TSHZ2: variants seen among roughly 807,000 people sequenced by gnomAD.
TSHZ2 encodes teashirt homolog 2.
A neutral mutation model predicts 74.4 loss-of-function variants in TSHZ2; 21 were observed. The observed-to-expected ratio is 0.28, with a 90% CI of 0.20 to 0.41. The LOEUF is 0.41. TSHZ2 is among the 10% of genes least tolerant of loss of function. The probability of loss-of-function intolerance (pLI) is 1.00; values close to 1 mark genes in which losing one functional copy is unlikely to be tolerated. For missense variants in TSHZ2, 1,244 were observed against 1,293.5 expected (o/e 0.96, Z 0.59); for synonymous variants, 540 against 515.3 (o/e 1.05, Z -0.65).
At chr20:53,085,662 C>A (rs1041453905) in intron 1 of TSHZ2, among the ~76,000 whole-genome samples, 1 of 152,148 alleles carries the variant, frequency 6.6e-6, no homozygotes, top group African/African-American at 2.4e-5. Flanking sequence ...GAAATGAAGG[C>A]CCCTGAAAGA....
At chr20:53,459,862 C>A (rs1355469095) in intron 2 of TSHZ2, among the ~76,000 whole-genome samples, 2 of 151,830 alleles carry the variant, frequency 1.3e-5, no homozygotes, top group Admixed American at 1.3e-4. Context: ...AAATTCTTTT[C>A]TTTAAGAATG....
chr20:53,158,439 A>AGTGGCT (rs1987848819), intron 1 of TSHZ2, among the ~76,000 whole-genome samples: 1 of 152,054 alleles, frequency 6.6e-6, no homozygotes, highest in African/African-American at 2.4e-5. Flanking sequence ...GGCAGTCGGT[A>AGTGGCT]GTGGCTGTGG....
At chr20:53,154,158 C>A (rs1482457475) in intron 1 of TSHZ2, among the ~76,000 whole-genome samples, 1 of 152,332 alleles carries the variant, frequency 6.6e-6, no homozygotes, top group South Asian at 2.1e-4. Flanking sequence ...TACCAGCAAT[C>A]AGTCATACTG....
intron 1 of TSHZ2, among the ~76,000 whole-genome samples, chr20:53,029,931 A>G (rs998027342): frequency 3.3e-5 from 5 of 152,146 alleles, no homozygotes; most frequent in African/African-American, 1.2e-4. Context: ...ACTGCCAAAT[A>G]AAATCTGTCT....
chr20:53,384,657 A>G (rs576480098), intron 2 of TSHZ2, among the ~76,000 whole-genome samples: 2 of 152,222 alleles, frequency 1.3e-5, no homozygotes, highest in Non-Finnish European at 2.9e-5. Context: ...TCACAATCAC[A>G]ATTAAAACTT....
At chr20:53,107,773 A>G (rs1049212747) in intron 1 of TSHZ2, among the ~76,000 whole-genome samples, 7 of 152,168 alleles carry the variant, frequency 4.6e-5, no homozygotes, top group African/African-American at 1.7e-4. Context: ...TTAATAGAGT[A>G]GGGAGAGTGT....
rs964768707 is a variant in TSHZ2, at chr20:53,074,660, G to C, written c.40+101327G>C. 6.6e-6 allele frequency among the ~76,000 whole-genome samples: 1 copy of C among 152,156 alleles called. No individual in the cohort carries two copies. The highest frequency in any genetic ancestry group is 1.5e-5 in the Non-Finnish European group (1 of 68,026). ...AAAGGACTATTCAGATTAAGAAAAG[G>C]CTACTTGGAAACTATAGATACTAAT... is the stretch of plus-strand genomic sequence containing the variant. On this transcript the variant is annotated intron_variant, in intron 1 of 2. Transcript: ENST00000371497. This position sits in a 1 kb window ranked among gnomAD's most constrained non-coding sequence, Gnocchi z 5.9.
chr20:53,463,216 T>G (rs1172871987), intron 2 of TSHZ2, among the ~76,000 whole-genome samples: 1 of 152,140 alleles, frequency 6.6e-6, no homozygotes, highest in African/African-American at 2.4e-5. Flanking sequence ...GTGAAGGAAC[T>G]TAGTCTATCT....
intron 2 of TSHZ2, chr20:53,401,166 A>T (rs1416064142): frequency 1.3e-5 from 2 of 152,040 alleles, no homozygotes; most frequent in Admixed American, 1.3e-4. Context: ...CTGTTTGGGG[A>T]CACTGCAGTG....
chr20:53,053,925 G>A (rs908033788), intron 1 of TSHZ2, among the ~76,000 whole-genome samples: 12 of 152,254 alleles, frequency 7.9e-5, no homozygotes, highest in African/African-American at 2.9e-4. Context: ...TAGTGACTGC[G>A]CCCTAACTGA....
intron 1 of TSHZ2, among the ~76,000 whole-genome samples, chr20:52,986,401 CAAA>C (rs34991984): frequency 9.1e-5 from 11 of 120,790 alleles, no homozygotes; most frequent in Admixed American, 2.7e-4. Flanking sequence ...AAGAATCCAT[CAAA>C]AAAAAAAAAA....
At chr20:53,316,790 A>G (rs1979042674) in intron 2 of TSHZ2, among the ~76,000 whole-genome samples, 1 of 152,148 alleles carries the variant, frequency 6.6e-6, no homozygotes, top group South Asian at 2.1e-4. Context: ...CAAGGCTGAC[A>G]CTATTTACTA....
chr20:53,193,711 A>G (rs890263363), intron 1 of TSHZ2, among the ~76,000 whole-genome samples: 3 of 152,190 alleles, frequency 2.0e-5, no homozygotes, highest in Non-Finnish European at 4.4e-5. Flanking sequence ...GGCTCAGTGT[A>G]TATCTGTTGA....
At chr20:53,483,331 C>T (rs1986208057) in intron 2 of TSHZ2, among the ~76,000 whole-genome samples, 1 of 152,048 alleles carries the variant, frequency 6.6e-6, no homozygotes, top group Admixed American at 6.6e-5. Flanking sequence ...GGGAGGATCC[C>T]CTGAGCCCAG....
intron 2 of TSHZ2, among the ~76,000 whole-genome samples, chr20:53,478,912 C>G (rs1351601384): frequency 6.6e-6 from 1 of 152,068 alleles, no homozygotes; most frequent in Non-Finnish European, 1.5e-5. Flanking sequence ...CACCTATAAT[C>G]CCAGCACTTT....
chr20:53,325,441 G>C (rs1038278862), intron 2 of TSHZ2, among the ~76,000 whole-genome samples: 2 of 152,208 alleles, frequency 1.3e-5, no homozygotes, highest in African/African-American at 4.8e-5. Flanking sequence ...ATTGAAGCAG[G>C]CCTGGGAGAG....
intron 1 of TSHZ2, among the ~76,000 whole-genome samples, chr20:53,215,050 T>C (rs1989402845): frequency 6.6e-6 from 1 of 152,136 alleles, no homozygotes; most frequent in African/African-American, 2.4e-5. Context: ...GCGGGACCCA[T>C]AGGCTAATGT....
chr20:53,332,130 G>T (rs1404393895), intron 2 of TSHZ2, among the ~76,000 whole-genome samples: 1 of 152,140 alleles, frequency 6.6e-6, no homozygotes, highest in Non-Finnish European at 1.5e-5. Flanking sequence ...TTCTGGCATG[G>T]CTACCACATG....
At position 52,976,234 on chromosome 20, in the gene TSHZ2, A is replaced by T. The variant is rs543953001; in HGVS notation, c.40+2901A>T. Among the ~76,000 whole-genome samples the T allele has an allele frequency of 2.0e-5, 3 of 152,322 alleles. No homozygotes were observed. The East Asian group carries it at 5.8e-4, about 29-fold the overall frequency. On this transcript the variant is annotated intron_variant, in intron 1 of 2. Transcript: ENST00000371497. ...TTATTTGTTATGTTCCTCCCCCTTC[A>T]GGGGGAAGGGATGTGAGGGGACAAT...
Sources: allele counts gnomAD v4.1 joint callset (sites outside exome capture counted in the v4.1 genomes callset), GRCh38; gene constraint gnomAD v4.1.1; non-coding constraint Gnocchi (gnomAD v3.1); transcripts MANE v1.5; gene names NCBI Gene and HGNC (gene_info 2026-07-23, HGNC 2026-07-21).